Variants in COBL observed in about 807,000 individuals in gnomAD.
COBL encodes cordon-bleu WH2 repeat protein.
In COBL, 51 loss-of-function variants were observed where a neutral mutation model predicts 98.8. The observed-to-expected ratio is 0.52, with a 90% CI of 0.41 to 0.65. The LOEUF (loss-of-function observed/expected upper bound fraction) is 0.65, where lower values mean the gene tolerates loss of function less well. Ranked by LOEUF, COBL falls within the 30% of genes least tolerant of loss-of-function variation. The pLI is 0.00. For synonymous variants in COBL, 634 were observed against 651.7 expected (o/e 0.97, Z 0.41); for missense variants, 1,617 against 1,617.5 (o/e 1.00, Z 0.01).
At chr7:51,135,829 G>C (rs772751874) in intron 6 of COBL, among the ~76,000 whole-genome samples, 2 of 152,188 alleles carry the variant, frequency 1.3e-5, no homozygotes, top group Non-Finnish European at 2.9e-5. Flanking sequence ...GATGCAGTCA[G>C]TCAGAAAAAT....
At position 51,043,402 on chromosome 7, in the gene COBL, A is replaced by G; in HGVS notation, c.1387T>C (p.Ser463Pro). 3 of 1,614,116 alleles carry G rather than the reference A, an allele frequency of 1.9e-6. No individual in the cohort carries two copies. Among genetic ancestry groups the G allele is most frequent in the Non-Finnish European group, 2.5e-6 (3 of 1,180,012 alleles). ...QKSPLWEKNGSENSHLRTEKA... is the reference protein window; with the variant it reads ...QKSPLWEKNGPENSHLRTEKA... ...ACTCACCTCAGATGTGAGTTCTCAG[A>G]GCCATTCTTCTCCCACAAGGGGCTC... Residue 463 changes from serine (S) to proline (P), a missense_variant, in exon 8 of 13, where the codon TCT becomes CCT. By Grantham distance (74) the Ser-to-Pro change is moderately conservative. Around this residue, in one of 3 missense-constraint regions of COBL, gnomAD observed 1,304 missense variants for 1,282.0 expected, o/e 1.02. Transcript: ENST00000265136.
chr7:51,238,477 T>A (rs1327870224), intron 1 of COBL, among the ~76,000 whole-genome samples: 2 of 152,070 alleles, frequency 1.3e-5, no homozygotes, highest in African/African-American at 4.8e-5. Flanking sequence ...CAACACCGGG[T>A]AGAGCAGTTG....
At chr7:51,311,012 T>C (rs1012327310) in intron 1 of COBL, among the ~76,000 whole-genome samples, 1 of 151,998 alleles carries the variant, frequency 6.6e-6, no homozygotes, top group African/African-American at 2.4e-5. Context: ...TCTAAATCAA[T>C]TGATGTCCTT....
At chr7:51,102,689 T>C (rs1230043238) in intron 6 of COBL, among the ~76,000 whole-genome samples, 2 of 152,214 alleles carry the variant, frequency 1.3e-5, no homozygotes, top group Non-Finnish European at 2.9e-5. Flanking sequence ...GTCTGTATAA[T>C]AAGAAAATGA....
Position 51,156,646 on chromosome 7 carries a change from A to G in COBL, c.784-20315T>C, listed in dbSNP as rs1381135347. 6.4e-6 allele frequency: 6 copies of G among 944,242 alleles called. No individual in the cohort carries two copies. The African/African-American group carries it at 1.1e-4, about 17-fold the overall frequency. 58.5% of individuals were successfully genotyped at this position (944,242 alleles called of 1,614,324 possible). ...TTGAGAAATAGCTAGTCATTTGTTC[A>G]GGCTATTTTTAAACACACATTTCCA... On this transcript the variant is annotated intron_variant, in intron 5 of 12. Coordinates refer to ENST00000265136, the MANE Select transcript of COBL (RefSeq NM_015198.5).
chr7:51,275,122 C>G (rs570082833), intron 1 of COBL, among the ~76,000 whole-genome samples: 109 of 152,222 alleles, frequency 7.2e-4, no homozygotes, highest in African/African-American at 2.6e-3. Context: ...GTGAGGGACG[C>G]ACGTGGAGCC....
chr7:51,104,478 C>T lies in COBL; in HGVS notation c.958-19174G>A, dbSNP rs147982162. On this transcript the variant is annotated intron_variant, in intron 6 of 12. Transcript: ENST00000265136. ...GTGTGATGGTGGATAAGTTGCTTAA[C>T]CTCTCTGTGCCTCAATTTCTCCATC... 5.4e-3 allele frequency among the ~76,000 whole-genome samples: 824 copies of T among 152,304 alleles called. 6 individuals carry two copies. The highest frequency in any genetic ancestry group is 9.0e-3 in the Admixed American group (138 of 15,306).
At chr7:51,286,288 T>C (rs1283804070) in intron 1 of COBL, among the ~76,000 whole-genome samples, 9 of 150,722 alleles carry the variant, frequency 6.0e-5, no homozygotes, top group Non-Finnish European at 1.3e-4. Context: ...TTTTCTACTC[T>C]TCCAAAGACA....
In COBL at chr7:51,133,641, C is replaced by T. The variant is rs372695332; in HGVS notation, c.957+2517G>A. ...AGAGCATAAGGTGCCTTAATGTGTA[C>T]AATCAATCATTCTGGTCTGAAGTTT... On this transcript the variant is annotated intron_variant, in intron 6 of 12. Transcript: ENST00000265136. Among the ~76,000 whole-genome samples the T allele has an allele frequency of 1.7e-4, 26 of 152,212 alleles. No homozygotes were observed. The East Asian group carries it at 2.3e-3, about 14-fold the overall frequency.
chr7:51,024,525 C>A (rs1787305958), intron 12 of COBL, among the ~76,000 whole-genome samples: 1 of 151,956 alleles, frequency 6.6e-6, no homozygotes, highest in Non-Finnish European at 1.5e-5. Flanking sequence ...GCCAGGTGGG[C>A]AGTAATGTGC....
chr7:51,080,414 G>A (rs75106504), intron 7 of COBL, among the ~76,000 whole-genome samples: 1 of 152,132 alleles, frequency 6.6e-6, no homozygotes. Context: ...AGTGTCCCCT[G>A]GGAGTTCCTG....
In COBL at chr7:51,156,741, C is replaced by CAA. The variant is rs1554408453; in HGVS notation, c.784-20412_784-20411dup. On this transcript the variant is annotated intron_variant, in intron 5 of 12. Coordinates refer to ENST00000265136, the MANE Select transcript of COBL (RefSeq NM_015198.5). ...ACACACACACACACACACACACACA[C>CAA]AATGAACTGTAGTTAAGGTGCACTT... 715 of 150,678 alleles carry CAA rather than the reference C, an allele frequency of 4.7e-3. 17 individuals carry two copies. In the South Asian group the frequency reaches 0.069, roughly 15 times the overall value. 9.3% of individuals were successfully genotyped at this position (150,678 alleles called of 1,614,324 possible). A position where few individuals can be genotyped will look rare whatever the true frequency, so the allele number is the denominator to read the frequency against.
At chr7:51,096,771 A>G (rs192292352) in intron 6 of COBL, among the ~76,000 whole-genome samples, 8 of 152,292 alleles carry the variant, frequency 5.3e-5, no homozygotes, top group Admixed American at 1.3e-4. Flanking sequence ...CTACAAACAT[A>G]TATCCTACTA....
At chr7:51,020,358 C>G (rs150028146) in intron 12 of COBL, among the ~76,000 whole-genome samples, 28 of 152,310 alleles carry the variant, frequency 1.8e-4, no homozygotes, top group African/African-American at 6.3e-4. Context: ...AGGTCAATAG[C>G]AGACCCCGCA....
chr7:51,204,842 C>T (rs1291864470), intron 2 of COBL, among the ~76,000 whole-genome samples: 4 of 151,726 alleles, frequency 2.6e-5, no homozygotes, highest in Non-Finnish European at 5.9e-5. Flanking sequence ...AGCCACCACA[C>T]CCAGCCAAAA....
At position 51,240,637 on chromosome 7, in the gene COBL, C is replaced by T. The variant is rs189752025; in HGVS notation, c.42-20693G>A. On this transcript the variant is annotated intron_variant, in intron 1 of 12. Transcript: ENST00000265136. ...TCGCGGCTCACTACAACCTCCACCT[C>T]CTGGGTTCAAGCAATTCTCCTGCCT... Among the ~76,000 whole-genome samples, 1,142 of 152,248 alleles carry T rather than the reference C, an allele frequency of 7.5e-3. 15 individuals are homozygous for T. Among genetic ancestry groups the T allele is most frequent in the African/African-American group, 0.027 (1,109 of 41,550 alleles).
chr7:51,311,082 A>G (rs539577170), intron 1 of COBL, among the ~76,000 whole-genome samples: 1 of 152,332 alleles, frequency 6.6e-6, no homozygotes, highest in East Asian at 1.9e-4. Flanking sequence ...GTATTTGTAC[A>G]AAAGTATTTG....
chr7:51,206,448 C>T (rs1172273555), intron 2 of COBL, among the ~76,000 whole-genome samples: 4 of 147,404 alleles, frequency 2.7e-5, no homozygotes, highest in African/African-American at 7.8e-5. Flanking sequence ...GCCGAGATCG[C>T]GCCACTATAT....
intron 4 of COBL, among the ~76,000 whole-genome samples, chr7:51,188,505 T>TG (rs1356440028): frequency 4.6e-5 from 7 of 152,204 alleles, no homozygotes; most frequent in Admixed American, 1.3e-4. Context: ...ACAGCTGGCA[T>TG]GGCACAGGCA....
Sources: allele counts gnomAD v4.1 joint callset (sites outside exome capture counted in the v4.1 genomes callset), GRCh38; gene constraint gnomAD v4.1.1; regional missense constraint gnomAD v4.1.1; transcripts MANE v1.5; gene names NCBI Gene and HGNC (gene_info 2026-07-23, HGNC 2026-07-21).